Variants in EEFSEC observed in about 807,000 individuals in gnomAD.
EEFSEC encodes selenocysteine-specific elongation factor.
Under a neutral mutation model 42.1 loss-of-function variants are expected in EEFSEC, and 43 were observed. That is an observed-to-expected ratio of 1.02 (90% confidence interval 0.80 to 1.32). EEFSEC has a LOEUF of 1.32. EEFSEC is among the 40% of genes most tolerant of loss of function. The pLI is 0.00. For missense variants in EEFSEC, 745 were observed against 803.6 expected, an observed-to-expected ratio of 0.93 and a Z score of 0.88; for synonymous variants, 354 against 339.1, an observed-to-expected ratio of 1.04 and a Z score of -0.48.
chr3:128,336,279 G>C (rs2108067065), intron 4 of EEFSEC, among the ~76,000 whole-genome samples: 1 of 152,244 alleles, frequency 6.6e-6, no homozygotes, highest in Non-Finnish European at 1.5e-5. Flanking sequence ...CCCACATCTA[G>C]TCTGTCACCA....
intron 6 of EEFSEC, among the ~76,000 whole-genome samples, chr3:128,376,453 G>A (rs765089676): frequency 6.6e-6 from 1 of 152,178 alleles, no homozygotes; most frequent in Non-Finnish European, 1.5e-5. Context: ...CCTCTGGACT[G>A]CTGGGGTTTC....
chr3:128,236,923 C>T (rs1033084723), intron 1 of EEFSEC, among the ~76,000 whole-genome samples: 6 of 152,352 alleles, frequency 3.9e-5, no homozygotes, highest in African/African-American at 1.4e-4. Flanking sequence ...TTAATGTTTG[C>T]TTTTGCTCTA....
chr3:128,238,181 C>G (rs1379520680), intron 1 of EEFSEC, among the ~76,000 whole-genome samples: 2 of 152,102 alleles, frequency 1.3e-5, no homozygotes, highest in Non-Finnish European at 2.9e-5. Flanking sequence ...GGGAGCCAGG[C>G]TAGTAGTACA....
intron 6 of EEFSEC, among the ~76,000 whole-genome samples, chr3:128,391,973 T>C (rs992171472): frequency 6.6e-6 from 1 of 152,192 alleles, no homozygotes; most frequent in African/African-American, 2.4e-5. Context: ...GGCGAGTGCC[T>C]GAGTGTGCCC....
chr3:128,396,457 G>A (rs1576701598), intron 6 of EEFSEC, among the ~76,000 whole-genome samples: 1 of 152,182 alleles, frequency 6.6e-6, no homozygotes, highest in Admixed American at 6.5e-5. Flanking sequence ...GGCACAGAAA[G>A]CACTTTTCTG....
At chr3:128,394,486 A>AT (rs35454237) in intron 6 of EEFSEC, among the ~76,000 whole-genome samples, 48,840 of 150,964 alleles carry the variant, frequency 0.32, 8,656 homozygotes, top group African/African-American at 0.46. Context: ...TAATATGTGG[A>AT]TTTTTTTTTT....
intron 4 of EEFSEC, among the ~76,000 whole-genome samples, chr3:128,307,144 A>T (rs1049821179): frequency 2.0e-5 from 3 of 152,260 alleles, no homozygotes; most frequent in Non-Finnish European, 2.9e-5. Flanking sequence ...GCCTGGCCAC[A>T]CATGGGGCCT....
At chr3:128,183,437 A>G (rs184853019) in intron 1 of EEFSEC, among the ~76,000 whole-genome samples, 8 of 152,132 alleles carry the variant, frequency 5.3e-5, no homozygotes, top group African/African-American at 1.4e-4. Context: ...TGTATACTCT[A>G]TGTCTGTCTA....
chr3:128,389,110 C>T (rs571558844), intron 6 of EEFSEC, among the ~76,000 whole-genome samples: 39 of 152,278 alleles, frequency 2.6e-4, no homozygotes, highest in Non-Finnish European at 4.6e-4. Flanking sequence ...GTCCTGTGGC[C>T]GGAGCCATGG....
At chr3:128,405,784 A>C (rs2068102347) in intron 6 of EEFSEC, among the ~76,000 whole-genome samples, 1 of 152,228 alleles carries the variant, frequency 6.6e-6, no homozygotes, top group African/African-American at 2.4e-5. Flanking sequence ...GGCACATAGG[A>C]AGCTGGGCCC....
chr3:128,250,592 G>T (rs1288056358), intron 2 of EEFSEC, among the ~76,000 whole-genome samples: 1 of 152,090 alleles, frequency 6.6e-6, no homozygotes, highest in Non-Finnish European at 1.5e-5. Flanking sequence ...TATTCCATTG[G>T]TCTATATGTC....
chr3:128,358,348 C>A lies in EEFSEC; in HGVS notation c.1575C>A (p.Ser525Arg), dbSNP rs372940216. The change falls in exon 6 of 7, where the codon AGC (serine) becomes AGA (arginine). Residue 525 changes from serine to arginine, a missense_variant. Ser to Arg is a moderately radical substitution (Grantham distance 110). Transcript: ENST00000254730. ...TCATCGACAGTGCCTTCGGCCAGAGCGGCAAGTTCAAGATCCACATCCCAG... is the reference window on the plus strand; with the variant it reads ...TCATCGACAGTGCCTTCGGCCAGAGAGGCAAGTTCAAGATCCACATCCCAG... ...LGIIDSAFGQ[S>R]GKFKIHIPGG... The A allele has an allele frequency of 6.2e-7, 1 of 1,614,236 alleles. No homozygotes were observed.
intron 5 of EEFSEC, among the ~76,000 whole-genome samples, chr3:128,345,468 T>C (rs948008646): frequency 3.3e-5 from 5 of 152,192 alleles, no homozygotes; most frequent in Non-Finnish European, 5.9e-5. Context: ...ATGCTCTTCT[T>C]TCCCCACCGT....
chr3:128,338,284 G>A (rs947243736), intron 4 of EEFSEC, among the ~76,000 whole-genome samples: 24 of 152,206 alleles, frequency 1.6e-4, no homozygotes, highest in Non-Finnish European at 5.9e-5. Context: ...CAAGGCAGCG[G>A]CACCCTCCCG....
intron 4 of EEFSEC, among the ~76,000 whole-genome samples, chr3:128,271,340 A>C (rs866940379): frequency 4.6e-5 from 7 of 152,230 alleles, no homozygotes; most frequent in Admixed American, 6.5e-5. Flanking sequence ...TCGGCTCTCA[A>C]GGCTGAGCTC....
intron 4 of EEFSEC, among the ~76,000 whole-genome samples, chr3:128,313,148 G>C (rs2066908631): frequency 1.3e-5 from 2 of 152,144 alleles, no homozygotes; most frequent in Admixed American, 1.3e-4. Context: ...TCCTATTCCT[G>C]CCAGCTCTTG....
chr3:128,200,965 G>T (rs1378131607), intron 1 of EEFSEC, among the ~76,000 whole-genome samples: 2 of 152,184 alleles, frequency 1.3e-5, no homozygotes, highest in Non-Finnish European at 2.9e-5. Flanking sequence ...GTAGTTAACT[G>T]CTGGTGATCT....
At chr3:128,325,034 C>T (rs947417206) in intron 4 of EEFSEC, among the ~76,000 whole-genome samples, 2 of 152,186 alleles carry the variant, frequency 1.3e-5, no homozygotes, top group South Asian at 2.1e-4. Context: ...CCAGTCCGTG[C>T]ACTTGTTCTT....
chr3:128,418,193 C>G, the EEFSEC span, among the ~76,000 whole-genome samples: 1 of 152,092 alleles, frequency 6.6e-6, no homozygotes, highest in South Asian at 2.1e-4. Context: ...TCCCTCAGCA[C>G]CCCCTCCTCA....
Sources: gnomAD v4.1 joint callset for allele counts (sites outside exome capture counted in the v4.1 genomes callset) on GRCh38, gnomAD v4.1.1 for gene constraint, MANE v1.5 for transcripts, NCBI Gene and HGNC (gene_info 2026-07-23, HGNC 2026-07-21) for gene names.